The following THSD7B variants were observed in gnomAD, a reference collection of about 807,000 sequenced individuals.
THSD7B encodes the protein thrombospondin type 1 domain containing 7B, also known as thrombospondin type-1 domain-containing protein 7B.
Under a neutral mutation model 213.6 loss-of-function variants are expected in THSD7B, and 138 were observed. The ratio of observed to expected loss-of-function variants is 0.65; its 90% CI spans 0.56 to 0.74. The LOEUF is 0.74. Among genes scored for constraint, THSD7B ranks in the 30% least tolerant of loss-of-function variants. THSD7B has a pLI of 0.00. For missense variants in THSD7B, 1,931 were observed against 1,991.5 expected, an observed-to-expected ratio of 0.97 and a Z score of 0.58; for synonymous variants, 742 against 687.0, an observed-to-expected ratio of 1.08 and a Z score of -1.25.
Position 136,808,077 on chromosome 2 carries a change from C to T in THSD7B, c.-36+42390C>T, listed in dbSNP as rs567119519. 2.0e-5 allele frequency among the ~76,000 whole-genome samples: 3 copies of T among 152,264 alleles called. No homozygotes were observed. The East Asian group carries it at 5.8e-4, about 29-fold the overall frequency. On this transcript the variant is annotated intron_variant, in intron 1 of 27. Coordinates refer to ENST00000409968, the MANE Select transcript of THSD7B (RefSeq NM_001316349.2). ...GTTACCTTGTGTTTTATTCTTCTCC[C>T]TTTGCTTTGCTGCCATCTCCCACTC...
In THSD7B at chr2:137,114,230, T is replaced by G. The variant is rs544941567; in HGVS notation, c.1200-894T>G. Among the ~76,000 whole-genome samples, 10 of 152,356 alleles carry G rather than the reference T, an allele frequency of 6.6e-5. No individual in the cohort carries two copies. The East Asian group carries it at 1.7e-3, about 26-fold the overall frequency. ...ATATGTCAATGTTACTTAGGCTTTG[T>G]TTATTGTTCAGAATTTAATGAGTCT... On this transcript the variant is annotated intron_variant, in intron 4 of 27. Transcript: ENST00000409968.
At chr2:136,941,251 A>G (rs1168928892) in intron 2 of THSD7B, among the ~76,000 whole-genome samples, 1 of 152,160 alleles carries the variant, frequency 6.6e-6, no homozygotes, top group Non-Finnish European at 1.5e-5. Context: ...AATCCAGTCT[A>G]TCACTGATGG....
intron 11 of THSD7B, among the ~76,000 whole-genome samples, chr2:137,273,221 G>A (rs1426826493): frequency 6.6e-6 from 1 of 151,766 alleles, no homozygotes; most frequent in African/African-American, 2.4e-5. Context: ...CCAATTAGAA[G>A]AAAACGTTTA....
chr2:137,177,361 T>C (rs1049492267), intron 7 of THSD7B, among the ~76,000 whole-genome samples: 3 of 152,168 alleles, frequency 2.0e-5, no homozygotes, highest in African/African-American at 7.2e-5. Flanking sequence ...CCAGATTGTA[T>C]TGGAATAGTT....
chr2:136,901,393 T>G (rs897677918), intron 2 of THSD7B, among the ~76,000 whole-genome samples: 2 of 152,242 alleles, frequency 1.3e-5, no homozygotes, highest in African/African-American at 4.8e-5. Flanking sequence ...CTTTTCACCT[T>G]TTAAAAATAT....
At chr2:137,097,658 G>C (rs1168728947) in intron 4 of THSD7B, among the ~76,000 whole-genome samples, 1 of 152,038 alleles carries the variant, frequency 6.6e-6, no homozygotes, top group Non-Finnish European at 1.5e-5. Flanking sequence ...ATGAGTTTCT[G>C]TATGGATCTT....
At chr2:137,018,832 C>A (rs1441359675) in intron 2 of THSD7B, among the ~76,000 whole-genome samples, 1 of 152,046 alleles carries the variant, frequency 6.6e-6, no homozygotes, top group African/African-American at 2.4e-5. Flanking sequence ...TTCTTTGATT[C>A]AATTATTTTT....
intron 12 of THSD7B, among the ~76,000 whole-genome samples, chr2:137,294,585 A>G (rs1008467795): frequency 5.8e-4 from 43 of 73,982 alleles, no homozygotes; most frequent in Admixed American, 4.1e-4. Flanking sequence ...CTCCATCTCA[A>G]AAAAAAAAAA....
At chr2:136,850,516 C>T (rs1397950972) in intron 1 of THSD7B, among the ~76,000 whole-genome samples, 1 of 151,890 alleles carries the variant, frequency 6.6e-6, no homozygotes, top group African/African-American at 2.4e-5. Context: ...GTGACTCTAC[C>T]ATTAGCAGCT....
chr2:137,241,648 C>T (rs909457805), intron 9 of THSD7B, among the ~76,000 whole-genome samples: 5 of 152,002 alleles, frequency 3.3e-5, no homozygotes, highest in East Asian at 1.9e-4. Context: ...CTCGGTGGCT[C>T]ACGCCTGTAA....
intron 15 of THSD7B, among the ~76,000 whole-genome samples, chr2:137,508,670 A>C (rs1425984655): frequency 6.6e-6 from 1 of 151,562 alleles, no homozygotes; most frequent in African/African-American, 2.4e-5. Context: ...ATTACCGGCT[A>C]AATAAAACAA....
intron 7 of THSD7B, among the ~76,000 whole-genome samples, chr2:137,183,246 G>A (rs867361249): frequency 6.6e-6 from 1 of 152,090 alleles, no homozygotes; most frequent in Admixed American, 6.6e-5. Flanking sequence ...GCGTTCCTTT[G>A]TATTCCCTGT....
intron 15 of THSD7B, among the ~76,000 whole-genome samples, chr2:137,474,573 C>T (rs1295244321): frequency 6.6e-6 from 1 of 152,184 alleles, no homozygotes; most frequent in African/African-American, 2.4e-5. Flanking sequence ...AACACAGACA[C>T]ATCAGGTGGC....
At chr2:137,615,391 T>C (rs1682365123) in intron 17 of THSD7B, among the ~76,000 whole-genome samples, 1 of 152,030 alleles carries the variant, frequency 6.6e-6, no homozygotes, top group African/African-American at 2.4e-5. Context: ...AAACGGTGAA[T>C]AGGATTTGGA....
intron 1 of THSD7B, among the ~76,000 whole-genome samples, chr2:136,779,198 A>G (rs3220760): frequency 0.14 from 7,667 of 54,918 alleles, 256 homozygotes; most frequent in Non-Finnish European, 0.19. Flanking sequence ...ATATATATAT[A>G]TGTGTGTGTG....
chr2:137,197,474 G>A (rs763911349), intron 7 of THSD7B, among the ~76,000 whole-genome samples: 1 of 152,026 alleles, frequency 6.6e-6, no homozygotes, highest in Non-Finnish European at 1.5e-5. Context: ...GAAGTGATCT[G>A]GCTAAATCAC....
intron 12 of THSD7B, among the ~76,000 whole-genome samples, chr2:137,403,897 C>A (rs1222125768): frequency 2.6e-5 from 4 of 152,104 alleles, no homozygotes; most frequent in Non-Finnish European, 5.9e-5. Context: ...ACATATCTCA[C>A]CATGCACAAC....
rs1573736377 is a variant in THSD7B at position 137,601,116 on chromosome 2, TA to T, written c.3424-15055del. 2.6e-5 allele frequency among the ~76,000 whole-genome samples: 4 copies of T among 152,296 alleles called. No individual in the cohort carries two copies. In the East Asian group the frequency reaches 7.7e-4, roughly 29 times the overall value. ...AAAAGAGTCAAAAAGTTAAAAAAAT[TA>T]AAAGTTTATAAAATAAAAAAGTTAC... On this transcript the variant is annotated intron_variant, in intron 17 of 27. Transcript: ENST00000409968.
chr2:137,387,089 G>T (rs779535288), intron 12 of THSD7B, among the ~76,000 whole-genome samples: 2 of 152,166 alleles, frequency 1.3e-5, no homozygotes, highest in African/African-American at 2.4e-5. Flanking sequence ...TTTCTCCCAA[G>T]GCTCACCCTG....
Sources: gnomAD v4.1 joint callset for allele counts (sites outside exome capture counted in the v4.1 genomes callset) on GRCh38, gnomAD v4.1.1 for gene constraint, MANE v1.5 for transcripts, NCBI Gene and HGNC (gene_info 2026-07-23, HGNC 2026-07-21) for gene names.